AKR1C3: variants seen among roughly 807,000 people sequenced by gnomAD.
The protein encoded by AKR1C3 is aldo-keto reductase family 1 member C3.
Under a neutral mutation model 43.6 loss-of-function variants are expected in AKR1C3, and 48 were observed. The observed-to-expected ratio is 1.10, with a 90% confidence interval of 0.87 to 1.40. AKR1C3 has a LOEUF of 1.40. AKR1C3 is among the 40% of genes most tolerant of loss of function. The pLI is 0.00. For missense variants in AKR1C3, 482 were observed against 391.2 expected (o/e 1.23, Z -1.96); for synonymous variants, 162 against 139.6 (o/e 1.16, Z -1.13).
At chr10:5,056,185 G>C (rs1229777606) in intron 1 of AKR1C3, among the ~76,000 whole-genome samples, 1 of 152,166 alleles carries the variant, frequency 6.6e-6, no homozygotes, top group Non-Finnish European at 1.5e-5. Context: ...TCTTGGGCCA[G>C]TGCCTGACCA....
chr10:5,072,912 G>A (rs1017219549), intron 1 of AKR1C3, among the ~76,000 whole-genome samples: 3 of 152,264 alleles, frequency 2.0e-5, no homozygotes, highest in South Asian at 2.1e-4. Context: ...TCTTTAGCAT[G>A]TTACCTGTGA....
upstream of AKR1C3, among the ~76,000 whole-genome samples, chr10:5,090,080 G>A (rs1010984494): frequency 6.6e-6 from 1 of 152,068 alleles, no homozygotes; most frequent in African/African-American, 2.4e-5. Flanking sequence ...AGAGCCAGCT[G>A]TGCCAAAGCA....
At chr10:5,103,341 CT>C (rs1220327219) in intron 7 of AKR1C3, among the ~76,000 whole-genome samples, 7 of 151,988 alleles carry the variant, frequency 4.6e-5, no homozygotes, top group African/African-American at 1.7e-4. Flanking sequence ...CTGTTTAAGT[CT>C]TTCTTTGACT....
At chr10:5,078,482 T>C (rs566243804) in intron 1 of AKR1C3, among the ~76,000 whole-genome samples, 9 of 152,190 alleles carry the variant, frequency 5.9e-5, no homozygotes, top group East Asian at 5.8e-4. Flanking sequence ...AAAAGCGAGA[T>C]AGTTTGTGGC....
intron 2 of AKR1C3, 35 bp downstream of exon 2, chr10:5,096,612 A>G (rs370006950): frequency 1.1e-5 from 17 of 1,587,510 alleles, no homozygotes; most frequent in African/African-American, 4.1e-5. Flanking sequence ...GTGCACATGT[A>G]TTTATTGTGA....
chr10:5,062,637 T>A (rs1838402529), intron 1 of AKR1C3, among the ~76,000 whole-genome samples: 1 of 152,118 alleles, frequency 6.6e-6, no homozygotes, highest in South Asian at 2.1e-4. Flanking sequence ...TTGATTGAGG[T>A]AATTACCAAG....
At position 5,056,115 on chromosome 10, in the gene AKR1C3, A is replaced by G. The variant is rs186448167; in HGVS notation, c.84+7220A>G. On this transcript the variant is annotated intron_variant, in intron 1 of 8. Transcript: ENST00000439082. ...GGACAAGGCTTCCAAACTGGTAGCCAAAAGTAAATCATCCACATATTGAAG... is the reference window on the plus strand; with the variant it reads ...GGACAAGGCTTCCAAACTGGTAGCCGAAAGTAAATCATCCACATATTGAAG... Among the ~76,000 whole-genome samples, 778 of 152,304 alleles carry G rather than the reference A, an allele frequency of 5.1e-3. 6 individuals are homozygous for G. The highest frequency in any genetic ancestry group is 0.018 in the African/African-American group (731 of 41,552).
intron 8 of AKR1C3, among the ~76,000 whole-genome samples, chr10:5,106,447 T>TGCAGGAAAA (rs1406075188): frequency 1.3e-5 from 2 of 152,100 alleles, no homozygotes; most frequent in East Asian, 3.8e-4. Context: ...TTCATGTAAA[T>TGCAGGAAAA]GCAGGAAAAG....
intron 1 of AKR1C3, among the ~76,000 whole-genome samples, chr10:5,083,361 A>G (rs1288299975): frequency 2.6e-5 from 4 of 152,044 alleles, no homozygotes; most frequent in Non-Finnish European, 5.9e-5. Context: ...GTTGGCTGAG[A>G]ATGATGGTTT....
chr10:5,101,060 C>T (rs530743353), intron 5 of AKR1C3, among the ~76,000 whole-genome samples: 1 of 152,286 alleles, frequency 6.6e-6, no homozygotes, highest in South Asian at 2.1e-4. Flanking sequence ...AAACGAACTG[C>T]AATGCCCTCA....
At position 5,102,315 on chromosome 10, in the gene AKR1C3, G is replaced by C. The variant is rs1422484893; in HGVS notation, c.680+105G>C. 4.4e-6 allele frequency: 7 copies of C among 1,584,984 alleles called. No homozygotes were observed. In the African/African-American group the frequency reaches 5.4e-5, roughly 12 times the overall value. ...AGTTAAGTTTCAAGTGGCTCATGGA[G>C]AGGAAAGAGAATTGCATTTCTGACG... On this transcript the variant is annotated intron_variant, in intron 6 of 8. Coordinates refer to ENST00000380554, the MANE Select transcript of AKR1C3 (RefSeq NM_003739.6).
At chr10:5,107,319 G>GGC in intron 8 of AKR1C3, 142 bp from the exon 9 acceptor site, 1 of 634,222 alleles carries the variant, frequency 1.6e-6, no homozygotes, top group East Asian at 2.9e-5. Context: ...ATGAAGCCAT[G>GGC]TTCATAAAGG....
At chr10:5,072,965 T>C (rs1330490595) in intron 1 of AKR1C3, among the ~76,000 whole-genome samples, 1 of 152,132 alleles carries the variant, frequency 6.6e-6, no homozygotes, top group Non-Finnish European at 1.5e-5. Flanking sequence ...ATTTTATTTG[T>C]TTATTTATTT....
Position 5,102,593 on chromosome 10 carries a change from T to C in AKR1C3, c.789T>C (p.Arg263=). Reference sequence around the variant, plus strand: ...TTGCCCTGCGCTACCAGCTGCAGCGTGGGGTTGTGGTCCTGGCCAAGAGCT... The same window carrying C: ...TTGCCCTGCGCTACCAGCTGCAGCGCGGGGTTGTGGTCCTGGCCAAGAGCT... ...ALIALRYQLQ[R]GVVVLAKSYN... Residue 263 remains arginine, a synonymous_variant, in exon 7 of 9, where the codon CGT becomes CGC. Coordinates refer to ENST00000380554, the MANE Select transcript of AKR1C3 (RefSeq NM_003739.6). 1.3e-6 allele frequency: 2 copies of C among 1,540,068 alleles called. No homozygotes were observed. The highest frequency in any genetic ancestry group is 2.5e-5 in the South Asian group (2 of 81,260).
At chr10:5,059,835 C>T (rs184647867) in intron 1 of AKR1C3, among the ~76,000 whole-genome samples, 44 of 152,254 alleles carry the variant, frequency 2.9e-4, no homozygotes, top group African/African-American at 8.9e-4. Context: ...CCTTCGTGGT[C>T]GCCAAAATGT....
At chr10:5,084,232 C>A (rs1175264359) in intron 1 of AKR1C3, among the ~76,000 whole-genome samples, 5 of 151,830 alleles carry the variant, frequency 3.3e-5, no homozygotes, top group Admixed American at 2.6e-4. Flanking sequence ...AGTCTTTAAT[C>A]CATCTTGAAT....
In AKR1C3 at chr10:5,095,834, C is replaced by A. The variant is rs546119779; in HGVS notation, c.85-576C>A. Among the ~76,000 whole-genome samples the A allele has an allele frequency of 2.6e-5, 4 of 152,114 alleles. No individual in the cohort carries two copies. In the East Asian group the frequency reaches 7.7e-4, roughly 29 times the overall value. On this transcript the variant is annotated intron_variant, in intron 1 of 8. Transcript: ENST00000380554. ...CTAGTGTTCAGTTCTGTTGTGTAGC[C>A]AGAATGACTATGCAGAAAAGACTTA...
chr10:5,097,626 A>C lies in AKR1C3; in HGVS notation c.369+76A>C, dbSNP rs782314956. The C allele has an allele frequency of 1.9e-6, 3 of 1,605,070 alleles. No individual in the cohort carries two copies. The South Asian group carries it at 3.3e-5, about 18-fold the overall frequency. On this transcript the variant is annotated intron_variant, in intron 3 of 8. Transcript: ENST00000380554. The stretch of plus-strand genomic sequence containing the variant: ...ATTGTTTATCTGGATAGTTGAACAG[A>C]GCTTTTTATTAGGAGGATGTAGGGA...
rs1353937092 is a variant in AKR1C3 at position 5,107,233 on chromosome 10, CTT to C, written c.930-226_930-225del. On this transcript the variant is annotated intron_variant, in intron 8 of 8. Transcript: ENST00000380554. ...TACAGGAATATACTTGAATATTTGA[CTT>C]TGTGTGTTTTACGTGTTAACTTCCA... 9.3e-4 allele frequency among the ~76,000 whole-genome samples: 141 copies of C among 151,914 alleles called. 1 individual carries two copies. The highest frequency in any genetic ancestry group is 1.1e-3 in the Non-Finnish European group (74 of 68,016).
Sources: allele counts gnomAD v4.1 joint callset (sites outside exome capture counted in the v4.1 genomes callset), GRCh38; gene constraint gnomAD v4.1.1; transcripts MANE v1.5; gene names NCBI Gene and HGNC (gene_info 2026-07-23, HGNC 2026-07-21).